The following TTBK2 variants were observed in gnomAD, a reference collection of about 807,000 sequenced individuals.
The protein encoded by TTBK2 is tau tubulin kinase 2, also known as tau-tubulin kinase 2.
A neutral mutation model predicts 110.8 loss-of-function variants in TTBK2; 28 were observed. The ratio of observed to expected loss-of-function variants is 0.25; its 90% CI spans 0.19 to 0.35. TTBK2 has a LOEUF of 0.35. TTBK2 is among the 10% of genes least tolerant of loss of function. TTBK2 has a pLI of 1.00. For missense variants in TTBK2, 1,369 were observed against 1,500.3 expected (o/e 0.91, Z 1.45); for synonymous variants, 532 against 527.3 (o/e 1.01, Z -0.12).
chr15:42,903,655 T>C (rs774974539), intron 1 of TTBK2, among the ~76,000 whole-genome samples: 6 of 152,198 alleles, frequency 3.9e-5, no homozygotes, highest in Non-Finnish European at 5.9e-5. Flanking sequence ...AGGAATTCTA[T>C]AAGACACCCA....
At chr15:42,749,063 C>G (rs998019569) in intron 14 of TTBK2, among the ~76,000 whole-genome samples, 1 of 152,146 alleles carries the variant, frequency 6.6e-6, no homozygotes, top group Non-Finnish European at 1.5e-5. Context: ...TGCTGATCAT[C>G]AAAATGCAAC....
chr15:42,872,799 A>G (rs1221104017), intron 2 of TTBK2, 41 bp from the exon 3 acceptor site: 1 of 1,609,652 alleles, frequency 6.2e-7, no homozygotes, highest in Non-Finnish European at 8.5e-7. Context: ...AAATTACTAG[A>G]AGATTCTAAC....
chr15:42,835,666 T>C (rs1443143906), intron 4 of TTBK2, among the ~76,000 whole-genome samples: 1 of 152,112 alleles, frequency 6.6e-6, no homozygotes, highest in Non-Finnish European at 1.5e-5. Flanking sequence ...TGGACGATCA[T>C]TGAAACTGAA....
intron 9 of TTBK2, chr15:42,798,382 T>C: frequency 2.3e-6 from 1 of 437,710 alleles, no homozygotes. Flanking sequence ...AAATCTAGTA[T>C]ACATCTGACT....
Position 42,752,840 on chromosome 15 carries a change from G to C in TTBK2, c.2406C>G (p.Ile802Met). 2.5e-6 allele frequency: 4 copies of C among 1,614,178 alleles called. No individual in the cohort carries two copies. Among genetic ancestry groups the C allele is most frequent in the Non-Finnish European group, 3.4e-6 (4 of 1,180,050 alleles). ...TTACCAAATCTCCTGGGAGAGAGGA[G>C]ATCTCAATACAATGCTGCCCTCTAC... ...KLSRGQHCIEISSLPGDLVIV... is the reference protein window; with the variant it reads ...KLSRGQHCIEMSSLPGDLVIV... Residue 802 changes from isoleucine to methionine, a missense_variant, in exon 14 of 15, where the codon ATC (isoleucine) becomes ATG (methionine). Around this residue, in one of 4 missense-constraint regions of TTBK2, gnomAD observed 1,097 missense variants for 1,114.7 expected, o/e 0.98. Transcript: ENST00000267890.
At chr15:42,833,331 A>C (rs1892846202) in intron 4 of TTBK2, among the ~76,000 whole-genome samples, 1 of 152,012 alleles carries the variant, frequency 6.6e-6, no homozygotes, top group Non-Finnish European at 1.5e-5. Context: ...TTCTCTATAA[A>C]TTTACAAGAT....
rs116175323 is a variant in TTBK2, at chr15:42,828,280, C to T, written c.433-248G>A. 0.011 allele frequency among the ~76,000 whole-genome samples: 1,724 copies of T among 151,558 alleles called. 28 individuals carry two copies. The highest frequency in any genetic ancestry group is 0.039 in the African/African-American group (1,606 of 41,294). On this transcript the variant is annotated intron_variant, in intron 5 of 14. Coordinates refer to ENST00000267890, the MANE Select transcript of TTBK2 (RefSeq NM_173500.4). ...ATGACTAAGGTTACACACAAGACAA[C>T]ATTAACTAGACTTGGAACTCTAAGT...
chr15:42,817,806 A>G (rs1179504142), intron 6 of TTBK2, among the ~76,000 whole-genome samples: 2 of 152,176 alleles, frequency 1.3e-5, no homozygotes, highest in East Asian at 1.9e-4. Context: ...TTTTGGTTTT[A>G]GCTCAAAACA....
At chr15:42,850,674 T>C (rs1000496049) in intron 3 of TTBK2, among the ~76,000 whole-genome samples, 2 of 152,168 alleles carry the variant, frequency 1.3e-5, no homozygotes, top group Admixed American at 6.5e-5. Context: ...ATAATCTTAT[T>C]GAGGAAGAGG....
chr15:42,754,236 C>G (rs1240258170), intron 13 of TTBK2, among the ~76,000 whole-genome samples: 1 of 151,584 alleles, frequency 6.6e-6, no homozygotes, highest in Non-Finnish European at 1.5e-5. Flanking sequence ...GCATGCACCA[C>G]CACATCTGGC....
In TTBK2 at chr15:42,859,058, C is replaced by G. The variant is rs1336298238; in HGVS notation, c.217+13553G>C. Among the ~76,000 whole-genome samples the G allele has an allele frequency of 2.0e-5, 3 of 152,092 alleles. No individual in the cohort carries two copies. In the East Asian group the frequency reaches 5.8e-4, roughly 29 times the overall value. On this transcript the variant is annotated intron_variant, in intron 3 of 14. Transcript: ENST00000267890. ...GGAGAAATAAGTTAACTACACCTAA[C>G]CTGCTGGAGTTTGTTTTATTTATTT...
At chr15:42,795,120 C>A (rs1890877313) in intron 9 of TTBK2, among the ~76,000 whole-genome samples, 1 of 152,086 alleles carries the variant, frequency 6.6e-6, no homozygotes, top group African/African-American at 2.4e-5. Flanking sequence ...TTCAATTGAA[C>A]CATCTATTTT....
intron 3 of TTBK2, among the ~76,000 whole-genome samples, chr15:42,851,161 T>C (rs550947829): frequency 3.1e-4 from 47 of 150,038 alleles, no homozygotes; most frequent in Admixed American, 6.7e-4. Context: ...GGCAGGAGAA[T>C]GGCATGAACC....
rs1566995984 is a variant in TTBK2 at position 42,745,832 on chromosome 15, T to C, written c.3698A>G (p.Gln1233Arg). The C allele has an allele frequency of 6.2e-7, 1 of 1,614,044 alleles. No homozygotes were observed. The highest frequency in any genetic ancestry group is 1.1e-5 in the South Asian group (1 of 91,086). ...HHHSASTKTP[Q>R]GKSKPASKLS... ...TTTACTGGCTGGCTTACTCTTCCCT[T>C]GGGGGGTTTTAGTGCTGGCTGAGTG... Residue 1233 changes from glutamine (Q) to arginine (R), a missense_variant, in exon 15 of 15, where the codon CAA becomes CGA. Around this residue, in one of 4 missense-constraint regions of TTBK2, gnomAD observed 1,097 missense variants for 1,114.7 expected, o/e 0.98. Transcript: ENST00000267890.
chr15:42,920,639 C>T lies in TTBK2; in HGVS notation c.-269G>A. 6.4e-6 allele frequency: 1 copy of T among 157,332 alleles called. No individual in the cohort carries two copies. The highest frequency in any genetic ancestry group is 1.4e-5 in the Non-Finnish European group (1 of 71,772). The allele number at this position is 157,332 out of a possible 1,614,324, so 9.7% of individuals were successfully genotyped here. The stretch of plus-strand genomic sequence containing the variant: ...GGGTACCGTCCGCGTTTACTGGCGG[C>T]GGCGGCGGCGGCTGCTGCTGCTGTT... On this transcript the variant is annotated 5_prime_UTR_variant, in exon 1 of 15. Coordinates refer to ENST00000267890, the MANE Select transcript of TTBK2 (RefSeq NM_173500.4).
intron 14 of TTBK2, 79 bp downstream of exon 14, chr15:42,751,895 G>A (rs2061870371): frequency 2.6e-6 from 4 of 1,537,258 alleles, no homozygotes; most frequent in African/African-American, 2.7e-5. Context: ...ACACAGAAAT[G>A]TTGCCATTGG....
Position 42,918,930 on chromosome 15 carries a change from T to A in TTBK2, c.-68+1508A>T, listed in dbSNP as rs1009570927. ...CTCAGCCCCCTAACCAATGTACAAA[T>A]TTGCATCAACTTGATATTATATATT... On this transcript the variant is annotated intron_variant, in intron 1 of 14. Coordinates refer to ENST00000267890, the MANE Select transcript of TTBK2 (RefSeq NM_173500.4). Among the ~76,000 whole-genome samples the A allele has an allele frequency of 2.2e-4, 33 of 152,290 alleles. No homozygotes were observed. In the East Asian group the frequency reaches 2.7e-3, roughly 12 times the overall value.
chr15:42,855,806 T>C (rs1893914708), intron 3 of TTBK2, among the ~76,000 whole-genome samples: 1 of 152,184 alleles, frequency 6.6e-6, no homozygotes, highest in Admixed American at 6.5e-5. Flanking sequence ...TGCCTCAGCC[T>C]CCCGAGCAGC....
intron 1 of TTBK2, among the ~76,000 whole-genome samples, chr15:42,897,009 C>G (rs753587387): frequency 4.0e-5 from 6 of 151,582 alleles, no homozygotes; most frequent in African/African-American, 7.3e-5. Context: ...CTCCCGGGTA[C>G]CTGGGATTAC....
Sources: gnomAD v4.1 joint callset for allele counts (sites outside exome capture counted in the v4.1 genomes callset) on GRCh38, gnomAD v4.1.1 for gene constraint, gnomAD v4.1.1 regional missense constraint, MANE v1.5 for transcripts, NCBI Gene and HGNC (gene_info 2026-07-23, HGNC 2026-07-21) for gene names.